RARB: variants seen among roughly 807,000 people sequenced by gnomAD.
RARB encodes retinoic acid receptor beta.
A neutral mutation model predicts 51.9 loss-of-function variants in RARB; 17 were observed. The observed-to-expected ratio is 0.33, with a 90% CI of 0.22 to 0.49. The LOEUF is 0.49. Ranked by LOEUF, RARB falls within the 20% of genes least tolerant of loss-of-function variation. The pLI is 0.99. For synonymous variants in RARB, 215 were observed against 195.4 expected, an observed-to-expected ratio of 1.10 and a Z score of -0.84; for missense variants, 369 against 550.8, an observed-to-expected ratio of 0.67 and a Z score of 3.30.
In RARB at chr3:25,561,047, A is replaced by G. The variant is rs116058259; in HGVS notation, c.449-8711A>G. Among the ~76,000 whole-genome samples, 889 of 152,334 alleles carry G rather than the reference A, an allele frequency of 5.8e-3. 6 individuals carry two copies. Among genetic ancestry groups the G allele is most frequent in the African/African-American group, 0.02 (850 of 41,580 alleles). The stretch of plus-strand genomic sequence containing the variant: ...CCTCATTTTTCAGATAAGGAAACTG[A>G]GGCTCAGAGACATTAAGAGACTATC... On this transcript the variant is annotated intron_variant, in intron 3 of 7. Transcript: ENST00000330688.
In RARB at chr3:25,011,051, C is replaced by G. The variant is rs79711970; in HGVS notation, c.-379-49074C>G. On this transcript the variant is annotated intron_variant, in intron 2 of 11. Transcript: ENST00000383772. ...TAAATGGAATCAAGTTAACCTATATCTGTTCGATTGTTATTTGTTGATTTC... is the reference window on the plus strand; with the variant it reads ...TAAATGGAATCAAGTTAACCTATATGTGTTCGATTGTTATTTGTTGATTTC... 7.7e-3 allele frequency among the ~76,000 whole-genome samples: 1,176 copies of G among 152,212 alleles called. 19 individuals carry two copies. The highest frequency in any genetic ancestry group is 0.027 in the African/African-American group (1,120 of 41,544).
In RARB at chr3:25,580,731, C is replaced by A. The variant is rs779583958; in HGVS notation, c.786+9C>A. Reference sequence around the variant, plus strand: ...CCTGCCTGGACATCCTGGTATGTGCCTTTTTGAGCTCTCAATGGGTCTGGG... The same window carrying A: ...CCTGCCTGGACATCCTGGTATGTGCATTTTTGAGCTCTCAATGGGTCTGGG... On this transcript the variant is annotated intron_variant, in intron 5 of 7. Transcript: ENST00000330688. 6.3e-7 allele frequency: 1 copy of A among 1,591,798 alleles called. No individual in the cohort carries two copies. The highest frequency in any genetic ancestry group is 2.3e-5 in the East Asian group (1 of 44,346).
chr3:25,043,421 T>C (rs1397952602), intron 2 of RARB, among the ~76,000 whole-genome samples: 1 of 152,248 alleles, frequency 6.6e-6, no homozygotes, highest in Non-Finnish European at 1.5e-5. Flanking sequence ...CAGAGGCTTG[T>C]AACCTGAGAA....
intron 1 of RARB, among the ~76,000 whole-genome samples, chr3:25,442,834 G>A (rs1708757801): frequency 6.6e-6 from 1 of 152,158 alleles, no homozygotes; most frequent in Non-Finnish European, 1.5e-5. Context: ...TACATTCCCT[G>A]TAGCAATCAA....
intron 2 of RARB, among the ~76,000 whole-genome samples, chr3:25,017,762 A>C (rs1559435315): frequency 6.6e-6 from 1 of 152,202 alleles, no homozygotes; most frequent in Non-Finnish European, 1.5e-5. Flanking sequence ...ATGGAAGATC[A>C]CAAAGAATAG....
At chr3:25,568,651 C>A (rs561155215) in intron 3 of RARB, among the ~76,000 whole-genome samples, 1 of 152,212 alleles carries the variant, frequency 6.6e-6, no homozygotes, top group Non-Finnish European at 1.5e-5. Flanking sequence ...TCTCAAATCA[C>A]CCGTGTGCTC....
chr3:25,403,799 C>A (rs1178148245), intron 5 of RARB, among the ~76,000 whole-genome samples: 1 of 132,648 alleles, frequency 7.5e-6, no homozygotes, highest in African/African-American at 2.8e-5. Flanking sequence ...CTGTTACTTT[C>A]ATTTTTTTCT....
chr3:24,924,616 T>C (rs1430640302), intron 2 of RARB, among the ~76,000 whole-genome samples: 1 of 152,218 alleles, frequency 6.6e-6, no homozygotes, highest in Non-Finnish European at 1.5e-5. Flanking sequence ...AGTCAGTATA[T>C]AAAGCTACAT....
chr3:25,302,606 G>A (rs200978068), intron 5 of RARB, among the ~76,000 whole-genome samples: 8 of 152,186 alleles, frequency 5.3e-5, no homozygotes, highest in South Asian at 2.1e-4. Context: ...GGGGACAAGC[G>A]ACAATGGGGA....
intron 4 of RARB, among the ~76,000 whole-genome samples, chr3:25,146,217 CA>C (rs756547710): frequency 2.0e-4 from 30 of 152,110 alleles, no homozygotes; most frequent in Non-Finnish European, 3.7e-4. Context: ...TATGTATAAT[CA>C]GTCATTGTTA....
chr3:25,249,376 T>C (rs1459968461), intron 5 of RARB, among the ~76,000 whole-genome samples: 2 of 152,174 alleles, frequency 1.3e-5, no homozygotes, highest in Admixed American at 6.5e-5. Context: ...TGTTCTCTTA[T>C]ATCCCACTGA....
chr3:25,413,563 T>G (rs1227572963), intron 5 of RARB, among the ~76,000 whole-genome samples: 5 of 152,326 alleles, frequency 3.3e-5, no homozygotes, highest in East Asian at 1.9e-4. Flanking sequence ...CAAATGACTT[T>G]CCAAGATAGT....
intron 3 of RARB, among the ~76,000 whole-genome samples, chr3:25,511,353 A>C (rs886734525): frequency 2.6e-5 from 4 of 152,004 alleles, no homozygotes; most frequent in Admixed American, 6.6e-5. Context: ...GGATGGTCTC[A>C]ATCTCCTGAC....
intron 3 of RARB, among the ~76,000 whole-genome samples, chr3:25,554,250 CATG>C (rs770676932): frequency 2.3e-4 from 34 of 150,450 alleles, no homozygotes; most frequent in East Asian, 2.1e-3. Flanking sequence ...AACAAAAAAA[CATG>C]AGGGGGTGAG....
rs1401243124 is a variant in RARB, at chr3:25,007,591, T to TCAAAAAAAAAAAAAAAA, written c.-379-52521_-379-52520insAAAACAAAAAAAAAAAA. Among the ~76,000 whole-genome samples, 4 of 17,338 alleles carry TCAAAAAAAAAAAAAAAA rather than the reference T, an allele frequency of 2.3e-4. 1 individual carries two copies. The highest frequency in any genetic ancestry group is 1.7e-3 in the African/African-American group (3 of 1,810). 11.4% of individuals were successfully genotyped at this position (17,338 alleles called of 152,430 possible). A position where few individuals can be genotyped will look rare whatever the true frequency, so the allele number is the denominator to read the frequency against. On this transcript the variant is annotated intron_variant, in intron 2 of 11. Transcript: ENST00000383772. ...GCCTGGGCAACAGAGTGAGACTGTC[T>TCAAAAAAAAAAAAAAAA]CAAAAAAAAAAAACAAAAAAACCTC...
At chr3:24,843,727 T>G (rs1702448905) in intron 1 of RARB, among the ~76,000 whole-genome samples, 1 of 152,184 alleles carries the variant, frequency 6.6e-6, no homozygotes, top group Non-Finnish European at 1.5e-5. Flanking sequence ...ACCCCAGACC[T>G]GCTGCACTGA....
In RARB at chr3:25,542,106, A is replaced by C. The variant is rs188625553; in HGVS notation, c.449-27652A>C. On this transcript the variant is annotated intron_variant, in intron 3 of 7. Coordinates refer to ENST00000330688, the MANE Select transcript of RARB (RefSeq NM_000965.5). ...TCACTTTGTGTGCTAATGCTGACCA[A>C]TTAGTAGTGATCAGCTAATGCTATC... Among the ~76,000 whole-genome samples the C allele has an allele frequency of 7.9e-5, 12 of 152,330 alleles. No individual in the cohort carries two copies. In the East Asian group the frequency reaches 1.3e-3, roughly 17 times the overall value.
intron 2 of RARB, among the ~76,000 whole-genome samples, chr3:25,488,606 G>A (rs981875956): frequency 2.0e-5 from 3 of 152,208 alleles, no homozygotes; most frequent in South Asian, 2.1e-4. Context: ...TATAGCATCA[G>A]GGACCACCAT....
At chr3:25,237,094 T>A (rs1002532556) in intron 5 of RARB, among the ~76,000 whole-genome samples, 1 of 152,024 alleles carries the variant, frequency 6.6e-6, no homozygotes, top group Non-Finnish European at 1.5e-5. Context: ...TTCCATTTAA[T>A]AAAGGTCTCC....
Sources: gnomAD v4.1 joint callset for allele counts (sites outside exome capture counted in the v4.1 genomes callset) on GRCh38, gnomAD v4.1.1 for gene constraint, MANE v1.5 for transcripts, NCBI Gene and HGNC (gene_info 2026-07-23, HGNC 2026-07-21) for gene names.